TARBP1: variants seen among roughly 807,000 people sequenced by gnomAD.
TARBP1 encodes tRNA (guanosine(18)-2'-O)-methyltransferase TARBP1.
A neutral mutation model predicts 178.6 loss-of-function variants in TARBP1; 144 were observed. The ratio of observed to expected loss-of-function variants is 0.81; its 90% CI spans 0.70 to 0.93. The LOEUF (loss-of-function observed/expected upper bound fraction) is 0.93. TARBP1 is among the 40% of genes least tolerant of loss of function. The pLI is 0.00. For missense variants in TARBP1, 2,067 were observed against 2,011.7 expected (o/e 1.03, Z -0.53); for synonymous variants, 787 against 781.0 (o/e 1.01, Z -0.13).
chr1:234,392,709 A>C, intron 28 of TARBP1, 157 bp from the exon 29 acceptor site: 1 of 532,132 alleles, frequency 1.9e-6, no homozygotes, highest in East Asian at 4.0e-5. Context: ...CATGACATCA[A>C]TTTCTTTTTT....
At position 234,425,649 on chromosome 1, in the gene TARBP1, T is replaced by C; in HGVS notation, c.3444+24A>G. 3 of 1,488,974 alleles carry C rather than the reference T, an allele frequency of 2.0e-6. No homozygotes were observed. In the South Asian group the frequency reaches 3.9e-5, roughly 20 times the overall value. 92.2% of individuals were successfully genotyped at this position (1,488,974 alleles called of 1,614,324 possible). A position where few individuals can be genotyped will look rare whatever the true frequency, so the allele number is the denominator to read the frequency against. ...GACCTCTGACTGTTAAAAACAAAGA[T>C]AATTTAAAGTAAAATACACTTACTT... On this transcript the variant is annotated intron_variant, in intron 20 of 29. Transcript: ENST00000040877.
Position 234,427,363 on chromosome 1 carries a change from TG to T in TARBP1, c.3276del (p.Phe1092LeufsTer2). 1 of 1,612,386 alleles carries T rather than the reference TG, an allele frequency of 6.2e-7. No homozygotes were observed. Among genetic ancestry groups the T allele is most frequent in the Non-Finnish European group, 8.5e-7 (1 of 1,179,222 alleles). ...DQRLVQDVQT[F>X]IENLGHDCAA... ...GCACAGTCATGTCCAAGGTTTTCTA[TG>T]AAGGTCTGTACATCCTGAACAAGTC... is the stretch of plus-strand genomic sequence containing the variant. On this transcript the variant is annotated frameshift_variant, in exon 19 of 30. Transcript: ENST00000040877. LOFTEE classifies it high-confidence loss of function.
At chr1:234,467,425 C>A in intron 4 of TARBP1, 77 bp downstream of exon 4, 1 of 1,313,248 alleles carries the variant, frequency 7.6e-7, no homozygotes, top group South Asian at 1.9e-5. Context: ...ATGTTACTTG[C>A]TGATACAGAA....
At chr1:234,399,317 T>G (rs1227713122) in intron 25 of TARBP1, among the ~76,000 whole-genome samples, 1 of 152,232 alleles carries the variant, frequency 6.6e-6, no homozygotes, top group Admixed American at 6.5e-5. Flanking sequence ...GGTTTTAGAA[T>G]GAATATGGTT....
intron 13 of TARBP1, among the ~76,000 whole-genome samples, chr1:234,436,271 T>C (rs1346581976): frequency 1.3e-5 from 2 of 152,296 alleles, no homozygotes; most frequent in Admixed American, 6.5e-5. Context: ...GTAAAAATAA[T>C]ACTGAGGATA....
chr1:234,436,893 T>C (rs973302995), intron 13 of TARBP1, among the ~76,000 whole-genome samples: 2 of 152,190 alleles, frequency 1.3e-5, no homozygotes, highest in African/African-American at 4.8e-5. Flanking sequence ...GAATCACTGA[T>C]GGAGCTTTAA....
intron 2 of TARBP1, 41 bp downstream of exon 2, chr1:234,472,673 G>T (rs1349425272): frequency 7.4e-7 from 1 of 1,353,492 alleles, no homozygotes; most frequent in Non-Finnish European, 1.0e-6. Flanking sequence ...AAGAAAAATT[G>T]TTATCTACTG....
chr1:234,458,556 C>A (rs1188195559), intron 8 of TARBP1, among the ~76,000 whole-genome samples: 2 of 152,120 alleles, frequency 1.3e-5, no homozygotes, highest in Admixed American at 6.6e-5. Context: ...TCAGAAGTTG[C>A]AACACAGATC....
At chr1:234,393,565 G>A (rs1026728642) in intron 27 of TARBP1, 79 bp from the exon 28 acceptor site, 50 of 1,572,048 alleles carry the variant, frequency 3.2e-5, no homozygotes, top group Non-Finnish European at 2.3e-5. Context: ...TTCCTTTGAA[G>A]CTCCCGTGGC....
At chr1:234,419,989 A>G (rs1346883340) in intron 21 of TARBP1, among the ~76,000 whole-genome samples, 3 of 152,230 alleles carry the variant, frequency 2.0e-5, no homozygotes. Context: ...TAGGGAGGAC[A>G]GTAGGAAATT....
At chr1:234,446,126 C>T (rs1666153462) in intron 12 of TARBP1, among the ~76,000 whole-genome samples, 1 of 152,086 alleles carries the variant, frequency 6.6e-6, no homozygotes, top group African/African-American at 2.4e-5. Context: ...AATACTAATG[C>T]TCCTCTAGAA....
At chr1:234,443,299 A>AG (rs1665789729) in intron 12 of TARBP1, among the ~76,000 whole-genome samples, 1 of 152,032 alleles carries the variant, frequency 6.6e-6, no homozygotes, top group Non-Finnish European at 1.5e-5. Context: ...TCAAAAAAAA[A>AG]AAAAAAAAAT....
chr1:234,459,209 A>G (rs766430121), intron 8 of TARBP1, 21 bp downstream of exon 8: 1 of 1,589,098 alleles, frequency 6.3e-7, no homozygotes, highest in African/African-American at 1.3e-5. Context: ...TGTAAATGGA[A>G]GTAACAAAAG....
chr1:234,427,495 C>T lies in TARBP1; in HGVS notation c.3251+81G>A, dbSNP rs913720377. On this transcript the variant is annotated intron_variant, in intron 18 of 29. Transcript: ENST00000040877. ...TAATTTATATTCTTTTAATTGAAAG[C>T]CTCAAAACAAAGACATAATTCTATA... The T allele has an allele frequency of 7.6e-6, 11 of 1,450,932 alleles. No individual in the cohort carries two copies. In the African/African-American group the frequency reaches 1.6e-4, roughly 21 times the overall value. 89.9% of individuals were successfully genotyped at this position (1,450,932 alleles called of 1,614,324 possible).
intron 10 of TARBP1, 105 bp downstream of exon 10, chr1:234,450,323 T>G: frequency 1.2e-6 from 1 of 838,770 alleles, no homozygotes; most frequent in Non-Finnish European, 1.8e-6. Context: ...CATCAATAAA[T>G]CATCATATAT....
rs1669896145 is a variant in TARBP1, at chr1:234,479,159, C to G, written c.-56G>C. On this transcript the variant is annotated 5_prime_UTR_variant, in exon 1 of 30. Coordinates refer to ENST00000040877, the MANE Select transcript of TARBP1 (RefSeq NM_005646.4). ...TCCCAAAGGAAGGCGCCGGCGTGTG[C>G]GATGCGTGCGCACAGGACCGGCCGG... The G allele has an allele frequency of 1.0e-5, 15 of 1,436,874 alleles. No homozygotes were observed. The South Asian group carries it at 1.3e-4, about 12-fold the overall frequency. 89.0% of individuals were successfully genotyped at this position (1,436,874 alleles called of 1,614,324 possible).
intron 7 of TARBP1, among the ~76,000 whole-genome samples, 154 bp downstream of exon 7, chr1:234,460,107 T>A (rs192838292): frequency 1.8e-4 from 27 of 152,310 alleles, no homozygotes; most frequent in African/African-American, 5.0e-4. Context: ...ATACATTTTT[T>A]AATTTTTTTC....
In TARBP1 at chr1:234,446,862, A is replaced by G; in HGVS notation, c.2075T>C (p.Leu692Pro). Residue 692 changes from leucine to proline, a missense_variant, in exon 12 of 30, where the codon CTC becomes CCC. Leu to Pro is a moderately conservative substitution (Grantham distance 98). Transcript: ENST00000040877. Reference protein sequence around the residue: ...YMPLLKTDRCLQLLLKLLNTC... With the variant: ...YMPLLKTDRCPQLLLKLLNTC... The stretch of plus-strand genomic sequence containing the variant: ...GTTCAACAGCTTCAACAGCAGCTGG[A>G]GGCATCTGTCAGTCTTCAGCAAGGG... 6.2e-7 allele frequency: 1 copy of G among 1,614,062 alleles called. No individual in the cohort carries two copies. The highest frequency in any genetic ancestry group is 8.5e-7 in the Non-Finnish European group (1 of 1,179,990).
At chr1:234,440,471 G>A (rs1165775005) in intron 12 of TARBP1, among the ~76,000 whole-genome samples, 1 of 151,482 alleles carries the variant, frequency 6.6e-6, no homozygotes, top group Non-Finnish European at 1.5e-5. Context: ...CAGAGAGAGA[G>A]TGCACATGAG....
Sources: allele counts gnomAD v4.1 joint callset (sites outside exome capture counted in the v4.1 genomes callset), GRCh38; gene constraint gnomAD v4.1.1; transcripts MANE v1.5; gene names NCBI Gene and HGNC (gene_info 2026-07-23, HGNC 2026-07-21).